Variants in SELENON observed in about 807,000 individuals in gnomAD.
The protein encoded by SELENON is selenoprotein N, also known as selenoprotein N, 1.
Under a neutral mutation model 59.5 loss-of-function variants are expected in SELENON, and 44 were observed. The ratio of observed to expected loss-of-function variants is 0.74; its 90% CI spans 0.58 to 0.95. The LOEUF is 0.95. Ranked by LOEUF, SELENON falls within the 40% of genes least tolerant of loss-of-function variation. The pLI, the probability that SELENON is intolerant of heterozygous loss-of-function variation, is 0.00. For synonymous variants in SELENON, 320 were observed against 305.6 expected, an observed-to-expected ratio of 1.05 and a Z score of -0.49; for missense variants, 674 against 721.4, an observed-to-expected ratio of 0.93 and a Z score of 0.75.
rs1255151417 is a variant in SELENON at position 25,805,143 on chromosome 1, G to A, written c.405G>A (p.Arg135=). Residue 135 remains arginine (R), a splice_region_variant and synonymous_variant, in exon 4 of 13, where the codon AGG becomes AGA. Coordinates refer to ENST00000361547, the MANE Select transcript of SELENON (RefSeq NM_020451.3). ...CTCTCCGATGTCTGTGTCTCATAGGGTCAACTCCCGCGGCCAGCTGCGAGG... is the reference window on the plus strand; with the variant it reads ...CTCTCCGATGTCTGTGTCTCATAGGATCAACTCCCGCGGCCAGCTGCGAGG... The A allele has an allele frequency of 1.2e-6, 2 of 1,613,200 alleles. No individual in the cohort carries two copies. The highest frequency in any genetic ancestry group is 2.7e-5 in the African/African-American group (2 of 74,870).
chr1:25,802,303 ATCAT>A (rs922964316), intron 3 of SELENON, among the ~76,000 whole-genome samples: 1 of 151,804 alleles, frequency 6.6e-6, no homozygotes, highest in Non-Finnish European at 1.5e-5. Flanking sequence ...AGCTATAACT[ATCAT>A]TACTAAATCT....
At chr1:25,812,454 C>CAT (rs969057677) in intron 9 of SELENON, among the ~76,000 whole-genome samples, 1 of 74,878 alleles carries the variant, frequency 1.3e-5, no homozygotes, top group Non-Finnish European at 2.7e-5. Context: ...CACACACTAA[C>CAT]ATATATATAC....
At chr1:25,811,665 C>G in intron 8 of SELENON, 26 bp from the exon 8 acceptor site, 1 of 1,611,424 alleles carries the variant, frequency 6.2e-7, no homozygotes. Flanking sequence ...TCTGAGCCTT[C>G]CCCCTACCAC....
At chr1:25,809,568 C>T in intron 6 of SELENON, 115 bp from the exon 6 acceptor site, 3 of 1,456,966 alleles carry the variant, frequency 2.1e-6, no homozygotes, top group Non-Finnish European at 2.9e-6. Context: ...CCCACTGGCC[C>T]ATCCACCTCC....
Position 25,817,240 on chromosome 1 carries a change from A to C in SELENON, c.*1522A>C, listed in dbSNP as rs1236164434. The C allele has an allele frequency of 1.4e-5, 2 of 138,540 alleles. No homozygotes were observed. Among genetic ancestry groups the C allele is most frequent in the Non-Finnish European group, 3.2e-5 (2 of 62,550 alleles). The allele number at this position is 138,540 out of a possible 1,614,324, so 8.6% of individuals were successfully genotyped here. A position where few individuals can be genotyped will look rare whatever the true frequency, so the allele number is the denominator to read the frequency against. On this transcript the variant is annotated 3_prime_UTR_variant, in exon 13 of 13. Coordinates refer to ENST00000361547, the MANE Select transcript of SELENON (RefSeq NM_020451.3). The stretch of plus-strand genomic sequence containing the variant: ...TTTGTTTTGTTTTGTTTTGAGACGG[A>C]GTCTTGCTCTGTCACCCAGGCTGGA...
In SELENON at chr1:25,811,895, G is replaced by A. The variant is rs1312419580; in HGVS notation, c.1281+16G>A. 2.6e-6 allele frequency: 4 copies of A among 1,553,748 alleles called. No individual in the cohort carries two copies. The South Asian group carries it at 4.7e-5, about 18-fold the overall frequency. ...CTTCAAGAAGGTGAGGCTGGGCAGG[G>A]GTGAAGGCCAGGGTCAGGCTGCATG... On this transcript the variant is annotated intron_variant, in intron 9 of 12. Coordinates refer to ENST00000361547, the MANE Select transcript of SELENON (RefSeq NM_020451.3).
rs1028820637 is a variant in SELENON at position 25,816,521 on chromosome 1, C to G, written c.*803C>G. ...AGCGCTCCTGCCGCCCCTCTTGCCC[C>G]TCAGACCTTGCATCCACAGAAGCAC... is the stretch of plus-strand genomic sequence containing the variant. On this transcript the variant is annotated 3_prime_UTR_variant, in exon 13 of 13. Coordinates refer to ENST00000361547, the MANE Select transcript of SELENON (RefSeq NM_020451.3). 2 of 152,968 alleles carry G rather than the reference C, an allele frequency of 1.3e-5. No individual in the cohort carries two copies. The highest frequency in any genetic ancestry group is 1.9e-4 in the East Asian group (1 of 5,186). 9.5% of individuals were successfully genotyped at this position (152,968 alleles called of 1,614,324 possible).
In SELENON at chr1:25,811,505, C is replaced by T. The variant is rs1239317108; in HGVS notation, c.1062C>T (p.Asn354=). The change falls in exon 8 of 13, where the codon AAC becomes AAT. Residue 354 remains asparagine, a synonymous_variant. Coordinates refer to ENST00000361547, the MANE Select transcript of SELENON (RefSeq NM_020451.3). Reference sequence around the variant, plus strand: ...TTTACGGGGCCAGTGAAAGCAGCAACATGGAGGTGGACATCGGCTACATAC... The same window carrying T: ...TTTACGGGGCCAGTGAAAGCAGCAATATGGAGGTGGACATCGGCTACATAC... 3.1e-6 allele frequency: 5 copies of T among 1,613,996 alleles called. No homozygotes were observed. The African/African-American group carries it at 5.3e-5, about 17-fold the overall frequency.
At chr1:25,809,314 C>A (rs568468113) in intron 6 of SELENON, among the ~76,000 whole-genome samples, 164 bp downstream of exon 5, 2 of 152,248 alleles carry the variant, frequency 1.3e-5, no homozygotes, top group Non-Finnish European at 2.9e-5. Flanking sequence ...ACCTGTGGAT[C>A]CGGGTGCTGA....
At position 25,816,648 on chromosome 1, in the gene SELENON, C is replaced by G. The variant is rs1188314183; in HGVS notation, c.*930C>G. On this transcript the variant is annotated 3_prime_UTR_variant, in exon 13 of 13. Coordinates refer to ENST00000361547, the MANE Select transcript of SELENON (RefSeq NM_020451.3). The stretch of plus-strand genomic sequence containing the variant: ...TACCTCTGGGGCACCACGGACTCCC[C>G]TTGGCCACTCTTGGGACTTTGGTCC... The G allele has an allele frequency of 6.5e-6, 1 of 152,768 alleles. No homozygotes were observed. The highest frequency in any genetic ancestry group is 2.4e-5 in the African/African-American group (1 of 41,466). 9.5% of individuals were successfully genotyped at this position (152,768 alleles called of 1,614,324 possible).
At position 25,811,443 on chromosome 1, in the gene SELENON, G is replaced by A; in HGVS notation, c.1011-11G>A. On this transcript the variant is annotated splice_polypyrimidine_tract_variant and intron_variant, in intron 7 of 12. Coordinates refer to ENST00000361547, the MANE Select transcript of SELENON (RefSeq NM_020451.3). The stretch of plus-strand genomic sequence containing the variant: ...TTTGATGATGGTGTCACTCTGCCCT[G>A]GCCATCCCAGGTCTCTGAATGTGGA... 1 of 1,612,332 alleles carries A rather than the reference G, an allele frequency of 6.2e-7. No individual in the cohort carries two copies. The highest frequency in any genetic ancestry group is 8.5e-7 in the Non-Finnish European group (1 of 1,178,730).
intron 3 of SELENON, among the ~76,000 whole-genome samples, chr1:25,804,285 A>G (rs2047883588): frequency 6.6e-6 from 1 of 152,158 alleles, no homozygotes; most frequent in African/African-American, 2.4e-5. Context: ...TCTGTAGTTT[A>G]AAGGCATCCT....
chr1:25,812,612 C>A, intron 9 of SELENON, 75 bp from the exon 9 acceptor site: 1 of 1,008,552 alleles, frequency 9.9e-7, no homozygotes, highest in Non-Finnish European at 1.5e-6. Context: ...CACACTTGCA[C>A]ACACTACAGA....
chr1:25,809,783 C>T lies in SELENON; in HGVS notation c.973C>T (p.His325Tyr), dbSNP rs941863056. 3 of 1,614,094 alleles carry T rather than the reference C, an allele frequency of 1.9e-6. No individual in the cohort carries two copies. Among genetic ancestry groups the T allele is most frequent in the African/African-American group, 2.7e-5 (2 of 75,054 alleles). The change falls in exon 7 of 13, where the codon CAC becomes TAC. Residue 325 changes from histidine (H) to tyrosine (Y), a missense_variant. By Grantham distance (83) the His-to-Tyr change is moderately conservative. Coordinates refer to ENST00000361547, the MANE Select transcript of SELENON (RefSeq NM_020451.3). ...CATCATCCTCTCCAAAGACGCCACC[C>T]ACGTCCGCGACTTCCGGCTCTTCGT... is the stretch of plus-strand genomic sequence containing the variant.
rs970866281 is a variant in SELENON at position 25,815,908 on chromosome 1, C to G, written c.*190C>G. ...GGCGGGTAGACAAGGGATGCCTGGG[C>G]TGACTGGGCAGAGGAACCTCTAGCT... On this transcript the variant is annotated 3_prime_UTR_variant, in exon 13 of 13. Coordinates refer to ENST00000361547, the MANE Select transcript of SELENON (RefSeq NM_020451.3). 1.6e-6 allele frequency: 1 copy of G among 606,316 alleles called. No homozygotes were observed. Among genetic ancestry groups the G allele is most frequent in the African/African-American group, 1.9e-5 (1 of 54,030 alleles). 37.6% of individuals were successfully genotyped at this position (606,316 alleles called of 1,614,324 possible). A position where few individuals can be genotyped will look rare whatever the true frequency, so the allele number is the denominator to read the frequency against.
rs1479586146 is a variant in SELENON at position 25,807,616 on chromosome 1, G to T, written c.538-964G>T. 6.6e-6 allele frequency among the ~76,000 whole-genome samples: 1 copy of T among 152,180 alleles called. No individual in the cohort carries two copies. The highest frequency in any genetic ancestry group is 2.4e-5 in the African/African-American group (1 of 41,466). On this transcript the variant is annotated intron_variant, in intron 4 of 12. Coordinates refer to ENST00000361547, the MANE Select transcript of SELENON (RefSeq NM_020451.3). The surrounding 1 kb of genome is among the most constrained non-coding windows in gnomAD (Gnocchi z 4.5). Reference sequence around the variant, plus strand: ...GCAGGTCCCCTGCAGGGGGTGGCAAGCCTACAAGCAGGACCCAGGAAGGCG... The same window carrying T: ...GCAGGTCCCCTGCAGGGGGTGGCAATCCTACAAGCAGGACCCAGGAAGGCG...
Position 25,800,359 on chromosome 1 carries a change from C to A in SELENON, c.129C>A (p.Ala43=). The change falls in exon 1 of 13, where the codon GCC becomes GCA. Residue 43 remains alanine, a synonymous_variant. Coordinates refer to ENST00000361547, the MANE Select transcript of SELENON (RefSeq NM_020451.3). ...GAGCCCTGCTGGCCGCCGCCGCTGC[C>A]GCCGCCGTCCGGGTCTGCGCCCGCC... The A allele has an allele frequency of 9.4e-7, 1 of 1,064,372 alleles. No individual in the cohort carries two copies. The highest frequency in any genetic ancestry group is 1.1e-6 in the Non-Finnish European group (1 of 882,272). The allele number at this position is 1,064,372 out of a possible 1,614,324, so 65.9% of individuals were successfully genotyped here.
At position 25,809,762 on chromosome 1, in the gene SELENON, A is replaced by G. The variant is rs2047942450; in HGVS notation, c.952A>G (p.Ile318Val). ...CCCTGCTCAGTTCACCGGCCACATC[A>G]TCCTCTCCAAAGACGCCACCCACGT... Residue 318 changes from isoleucine (I) to valine (V), a missense_variant, in exon 7 of 13, where the codon ATC (isoleucine) becomes GTC (valine). Coordinates refer to ENST00000361547, the MANE Select transcript of SELENON (RefSeq NM_020451.3). The G allele has an allele frequency of 6.2e-7, 1 of 1,613,956 alleles. No homozygotes were observed. The highest frequency in any genetic ancestry group is 8.5e-7 in the Non-Finnish European group (1 of 1,180,006).
In SELENON at chr1:25,816,695, G is replaced by A. The variant is rs948163390; in HGVS notation, c.*977G>A. 1 of 152,670 alleles carries A rather than the reference G, an allele frequency of 6.6e-6. No individual in the cohort carries two copies. The highest frequency in any genetic ancestry group is 6.5e-5 in the Admixed American group (1 of 15,282). The allele number at this position is 152,670 out of a possible 1,614,324, so 9.5% of individuals were successfully genotyped here. On this transcript the variant is annotated 3_prime_UTR_variant, in exon 13 of 13. Coordinates refer to ENST00000361547, the MANE Select transcript of SELENON (RefSeq NM_020451.3). ...GTCCACGTCCTGAGCCACTGACCAC[G>A]GCCAGTCTCTCTTTTTATATGTGCA...
Sources: allele counts gnomAD v4.1 joint callset (sites outside exome capture counted in the v4.1 genomes callset), GRCh38; gene constraint gnomAD v4.1.1; non-coding constraint Gnocchi (gnomAD v3.1); transcripts MANE v1.5; gene names NCBI Gene and HGNC (gene_info 2026-07-23, HGNC 2026-07-21).